Variants in GPHN observed in about 807,000 individuals in gnomAD.
GPHN encodes gephyrin.
Under a neutral mutation model 95.5 loss-of-function variants are expected in GPHN, and 17 were observed. That is an observed-to-expected ratio of 0.18 (90% confidence interval 0.12 to 0.27). GPHN has a LOEUF of 0.27. Among genes scored for constraint, GPHN ranks in the 10% least tolerant of loss-of-function variants. The pLI is 1.00. For synonymous variants in GPHN, 320 were observed against 322.5 expected (o/e 0.99, Z 0.08); for missense variants, 660 against 978.1 (o/e 0.67, Z 4.34).
the GPHN span, among the ~76,000 whole-genome samples, chr14:67,536,404 T>TA: frequency 6.6e-6 from 1 of 151,826 alleles, no homozygotes; most frequent in African/African-American, 2.4e-5. Context: ...AAGATGGTGG[T>TA]AGCCCCTCAC....
At chr14:67,624,168 T>C in the GPHN span, among the ~76,000 whole-genome samples, 1 of 152,214 alleles carries the variant, frequency 6.6e-6, no homozygotes, top group African/African-American at 2.4e-5. Context: ...AGAACCATGG[T>C]AATTTGTGAA....
At chr14:66,983,595 T>A (rs559678118) in intron 9 of GPHN, among the ~76,000 whole-genome samples, 1 of 152,328 alleles carries the variant, frequency 6.6e-6, no homozygotes, top group South Asian at 2.1e-4. Flanking sequence ...TTATGATGGT[T>A]TCAAAGACAG....
chr14:67,225,252 A>G, the GPHN span: 1 of 1,513,054 alleles, frequency 6.6e-7, no homozygotes, highest in African/African-American at 1.4e-5. Context: ...AAAAACATGT[A>G]AGACAAACTA....
intron 8 of GPHN, among the ~76,000 whole-genome samples, chr14:66,948,633 T>C (rs1339396875): frequency 6.6e-6 from 1 of 152,226 alleles, no homozygotes; most frequent in Non-Finnish European, 1.5e-5. Context: ...TTTTTTAGGC[T>C]AGGCCATTTC....
the GPHN span, chr14:67,333,634 T>C: frequency 2.0e-5 from 3 of 152,644 alleles, no homozygotes; most frequent in African/African-American, 7.2e-5. Flanking sequence ...CAACACACTC[T>C]AATCTACTTA....
chr14:66,879,229 G>A (rs1031729843), intron 4 of GPHN, among the ~76,000 whole-genome samples: 1 of 151,998 alleles, frequency 6.6e-6, no homozygotes, highest in African/African-American at 2.4e-5. Flanking sequence ...TTAGGGGAGA[G>A]ATGGCATTAG....
intron 4 of GPHN, among the ~76,000 whole-genome samples, chr14:66,833,075 A>T (rs371688530): frequency 8.5e-4 from 130 of 152,248 alleles, no homozygotes; most frequent in Admixed American, 3.9e-3. Flanking sequence ...CAAATACAGA[A>T]ATGAGAGATT....
chr14:66,784,314 T>G (rs2059700918), intron 3 of GPHN, among the ~76,000 whole-genome samples: 1 of 152,150 alleles, frequency 6.6e-6, no homozygotes, highest in Non-Finnish European at 1.5e-5. Flanking sequence ...AATGCCATAT[T>G]CAGTGAAGTT....
At chr14:67,371,078 A>G in the GPHN span, among the ~76,000 whole-genome samples, 1 of 152,180 alleles carries the variant, frequency 6.6e-6, no homozygotes, top group Admixed American at 6.5e-5. Context: ...TGTATCAGAC[A>G]TTTAAGGCAG....
At chr14:66,593,808 A>C (rs985901497) in intron 1 of GPHN, among the ~76,000 whole-genome samples, 1 of 152,212 alleles carries the variant, frequency 6.6e-6, no homozygotes, top group Non-Finnish European at 1.5e-5. Flanking sequence ...CACAGTACTG[A>C]AAGTACTAAC....
chr14:67,324,353 CTTT>C, the GPHN span, among the ~76,000 whole-genome samples: 2 of 152,100 alleles, frequency 1.3e-5, no homozygotes, highest in Non-Finnish European at 2.9e-5. Context: ...ACAGCATTGA[CTTT>C]TTATTTAAAT....
intron 8 of GPHN, among the ~76,000 whole-genome samples, chr14:66,928,315 ATAGT>A (rs2066596513): frequency 6.6e-6 from 1 of 152,166 alleles, no homozygotes; most frequent in Non-Finnish European, 1.5e-5. Flanking sequence ...TTATTGGCAT[ATAGT>A]TGCTCATAGT....
the GPHN span, among the ~76,000 whole-genome samples, chr14:67,559,890 A>T: frequency 3.9e-5 from 6 of 151,996 alleles, no homozygotes; most frequent in African/African-American, 1.5e-4. Context: ...GTCTCCCTGG[A>T]GCTCCTGACT....
the GPHN span, chr14:67,620,951 A>T: frequency 1.2e-6 from 2 of 1,614,094 alleles, no homozygotes; most frequent in East Asian, 4.5e-5. Context: ...CTTGATGAAA[A>T]GGCTCTCCAG....
the GPHN span, chr14:67,715,015 C>T: frequency 6.6e-6 from 1 of 152,210 alleles, no homozygotes; most frequent in Non-Finnish European, 1.5e-5. Flanking sequence ...GTTTATTGAG[C>T]ATATTAAGCA....
chr14:66,717,330 G>A (rs540276065), intron 2 of GPHN, among the ~76,000 whole-genome samples: 47 of 152,148 alleles, frequency 3.1e-4, no homozygotes, highest in African/African-American at 1.0e-3. Context: ...TAAGTGTGTC[G>A]TATGTTTCCT....
chr14:67,733,645 T>C, the GPHN span: 1 of 774,468 alleles, frequency 1.3e-6, no homozygotes, highest in Middle Eastern at 2.4e-4. Flanking sequence ...TGGCATATAT[T>C]GTATTTTATT....
At chr14:67,661,812 G>C in the GPHN span, among the ~76,000 whole-genome samples, 1 of 152,142 alleles carries the variant, frequency 6.6e-6, no homozygotes, top group South Asian at 2.1e-4. Flanking sequence ...GGGATTGCAA[G>C]CGTGAGCCAC....
chr14:67,620,202 C>G, the GPHN span: 2 of 523,908 alleles, frequency 3.8e-6, no homozygotes, highest in South Asian at 2.1e-5. Flanking sequence ...GGAGAAATGG[C>G]GAGGGGAAGA....
Sources: allele counts gnomAD v4.1 joint callset (sites outside exome capture counted in the v4.1 genomes callset), GRCh38; gene constraint gnomAD v4.1.1; transcripts MANE v1.5; gene names NCBI Gene and HGNC (gene_info 2026-07-23, HGNC 2026-07-21).